Variants in HTD2 observed in about 807,000 individuals in gnomAD.
HTD2 encodes the protein hydroxyacyl-thioester dehydratase type 2, mitochondrial.
Under a neutral mutation model 3.1 loss-of-function variants are expected in HTD2, and 1 was observed. The observed-to-expected ratio is 0.32, with a 90% CI of 0.11 to 1.52. The LOEUF is 1.52. HTD2 is among the 40% of genes most tolerant of loss of function. HTD2 has a pLI of 0.39. For synonymous variants in HTD2, 50 were observed against 28.9 expected (o/e 1.73, Z -2.34); for missense variants, 150 against 79.6 (o/e 1.88, Z -3.36).
At chr3:58,306,479 C>CG (rs1559791016), upstream of HTD2, 2 of 152,332 alleles carry the variant, frequency 1.3e-5, no homozygotes, top group Non-Finnish European at 2.9e-5. Flanking sequence ...GGCCGCGACC[C>CG]GGGCGCATGC....
At chr3:58,312,607 A>G (rs2097483532) in intron 2 of HTD2, among the ~76,000 whole-genome samples, 1 of 152,086 alleles carries the variant, frequency 6.6e-6, no homozygotes, top group African/African-American at 2.4e-5. Context: ...TGGCACCTGC[A>G]AACTCTTTTC....
At chr3:58,310,924 G>A (rs1213636806) in intron 2 of HTD2, among the ~76,000 whole-genome samples, 3 of 100,186 alleles carry the variant, frequency 3.0e-5, no homozygotes, top group Non-Finnish European at 5.8e-5. Context: ...GCGAGACTCT[G>A]TCACAAAAAA....
chr3:58,316,438 C>G (rs2097488335), intron 2 of HTD2, 77 bp from the exon 3 acceptor site: 2 of 1,336,954 alleles, frequency 1.5e-6, no homozygotes, highest in African/African-American at 2.9e-5. Flanking sequence ...GCTCAAAACT[C>G]ATTTGTTGTC....
At chr3:58,310,980 AAT>A (rs1441423855) in intron 2 of HTD2, among the ~76,000 whole-genome samples, 1,744 of 135,854 alleles carry the variant, frequency 0.013, 39 homozygotes, top group African/African-American at 0.045. Flanking sequence ...AAAAAAAAAA[AAT>A]AAATTATACA....
chr3:58,311,722 T>C (rs77312690), intron 2 of HTD2, among the ~76,000 whole-genome samples: 2,187 of 151,788 alleles, frequency 0.014, 59 homozygotes, highest in African/African-American at 0.05. Context: ...TTTTTTTTTT[T>C]CCCCACCTTG....
intron 2 of HTD2, among the ~76,000 whole-genome samples, chr3:58,312,960 C>CAAA (rs35853424): frequency 2.0e-4 from 16 of 79,012 alleles, no homozygotes; most frequent in African/African-American, 2.5e-4. Context: ...GACTCTGTCT[C>CAAA]AAAAAAAAAA....
At position 58,310,578 on chromosome 3, in the gene HTD2, A is replaced by T; in HGVS notation, c.-344A>T. 6.2e-7 allele frequency: 1 copy of T among 1,612,390 alleles called. No individual in the cohort carries two copies. Among genetic ancestry groups the T allele is most frequent in the Non-Finnish European group, 8.5e-7 (1 of 1,179,390 alleles). ...CAGCTGCTTATTTCGGCTGTGAAGG[A>T]CCTGTTTGGGGAGGTATGGAATCAC... On this transcript the variant is annotated 5_prime_UTR_variant, in exon 2 of 5. Transcript: ENST00000461393.
intron 1 of HTD2, 24 bp from the exon 2 acceptor site, chr3:58,310,483 T>TG (rs576904123): frequency 5.6e-4 from 175 of 312,844 alleles, no homozygotes; most frequent in Admixed American, 3.5e-4. Context: ...TTAATATGAC[T>TG]TTTTTTTTTT....
At position 58,317,552 on chromosome 3, in the gene HTD2, G is replaced by C; in HGVS notation, c.-62G>C. 8.2e-7 allele frequency: 1 copy of C among 1,217,456 alleles called. No individual in the cohort carries two copies. Among genetic ancestry groups the C allele is most frequent in the East Asian group, 2.3e-5 (1 of 43,122 alleles). The allele number at this position is 1,217,456 out of a possible 1,614,324, so 75.4% of individuals were successfully genotyped here. On this transcript the variant is annotated 5_prime_UTR_variant, in exon 5 of 5. Coordinates refer to ENST00000461393, the MANE Select transcript of HTD2 (RefSeq NM_001348712.2). Reference sequence around the variant, plus strand: ...TCCACTCTCATATTTATTTTTTGGTGCCTGCATGTTTGAAGACTGAAGCAG... The same window carrying C: ...TCCACTCTCATATTTATTTTTTGGTCCCTGCATGTTTGAAGACTGAAGCAG...
At chr3:58,316,812 G>A (rs554292394) in intron 3 of HTD2, 103 bp from the exon 4 acceptor site, 326 of 1,074,166 alleles carry the variant, frequency 3.0e-4, no homozygotes, top group Non-Finnish European at 4.3e-4. Flanking sequence ...CCCATTGATG[G>A]TTATAGTTGC....
rs761953471 is a variant in HTD2 at position 58,316,966 on chromosome 3, C to A, written c.-202C>A. On this transcript the variant is annotated 5_prime_UTR_variant, in exon 4 of 5. Transcript: ENST00000461393. ...TGACCCTGTTAGGATCCTATAAAGGCAAAAAATGTGCTTTCCGGGTGATTC... is the reference window on the plus strand; with the variant it reads ...TGACCCTGTTAGGATCCTATAAAGGAAAAAAATGTGCTTTCCGGGTGATTC... 9.3e-6 allele frequency: 15 copies of A among 1,612,716 alleles called. No homozygotes were observed. The South Asian group carries it at 1.7e-4, about 18-fold the overall frequency.
At chr3:58,310,813 C>T (rs974713208) in intron 2 of HTD2, among the ~76,000 whole-genome samples, 1 of 151,634 alleles carries the variant, frequency 6.6e-6, no homozygotes, top group East Asian at 1.9e-4. Context: ...ACCTGTAATC[C>T]CAGCTACTCG....
chr3:58,307,812 C>T (rs1357891211), intron 1 of HTD2: 2 of 151,884 alleles, frequency 1.3e-5, no homozygotes, highest in East Asian at 1.9e-4. Context: ...CCCAGGTATC[C>T]TCTCCTTTAA....
intron 2 of HTD2, among the ~76,000 whole-genome samples, chr3:58,312,056 G>C (rs1409844584): frequency 6.6e-6 from 1 of 151,678 alleles, no homozygotes; most frequent in Non-Finnish European, 1.5e-5. Context: ...GTAGAGGCAA[G>C]GTCTCACTAT....
In HTD2 at chr3:58,317,733, C is replaced by A; in HGVS notation, c.120C>A (p.Asp40Glu). The change falls in exon 5 of 5, where the codon GAC becomes GAA. Residue 40 changes from aspartate to glutamate, a missense_variant. Physicochemically the swap from Asp to Glu is conservative, Grantham distance 45 (BLOSUM62 2). Transcript: ENST00000461393. ...HFQHMHIKVG[D>E]RAELRRAFTQ... Reference sequence around the variant, plus strand: ...AGCATATGCACATCAAAGTTGGAGACCGCGCTGAACTTAGGAGGGCCTTCA... The same window carrying A: ...AGCATATGCACATCAAAGTTGGAGAACGCGCTGAACTTAGGAGGGCCTTCA... The A allele has an allele frequency of 1.4e-6, 1 of 703,556 alleles. No individual in the cohort carries two copies. The allele number at this position is 703,556 out of a possible 1,614,324, so 43.6% of individuals were successfully genotyped here.
At chr3:58,311,785 G>A (rs1015106487) in intron 2 of HTD2, among the ~76,000 whole-genome samples, 2 of 151,418 alleles carry the variant, frequency 1.3e-5, no homozygotes, top group African/African-American at 4.9e-5. Flanking sequence ...AGCTGCACAT[G>A]TCTTTTTGAA....
At chr3:58,316,205 T>C (rs1354967329) in intron 2 of HTD2, among the ~76,000 whole-genome samples, 1 of 152,174 alleles carries the variant, frequency 6.6e-6, no homozygotes, top group Non-Finnish European at 1.5e-5. Flanking sequence ...AAGGGAATTA[T>C]GAAAGAGAAA....
chr3:58,316,655 T>C (rs2097488581), intron 3 of HTD2, 64 bp downstream of exon 3: 3 of 1,402,276 alleles, frequency 2.1e-6, no homozygotes, highest in Non-Finnish European at 3.0e-6. Flanking sequence ...GCAAAAATGC[T>C]CTCTTCTGAG....
At chr3:58,308,452 T>A (rs1337554662) in intron 1 of HTD2, among the ~76,000 whole-genome samples, 1 of 136,272 alleles carries the variant, frequency 7.3e-6, no homozygotes, top group Non-Finnish European at 1.6e-5. Context: ...CCTGGTTAAT[T>A]TAAGTTTTTT....
Sources: gnomAD v4.1 joint callset for allele counts (sites outside exome capture counted in the v4.1 genomes callset) on GRCh38, gnomAD v4.1.1 for gene constraint, MANE v1.5 for transcripts, NCBI Gene and HGNC (gene_info 2026-07-23, HGNC 2026-07-21) for gene names.